The following HIPK2 variants were observed in gnomAD, a reference collection of about 807,000 sequenced individuals.
The protein encoded by HIPK2 is homeodomain-interacting protein kinase 2.
In HIPK2, 27 loss-of-function variants were observed where a neutral mutation model predicts 113.7. The ratio of observed to expected loss-of-function variants is 0.24; its 90% CI spans 0.17 to 0.33. HIPK2 has a LOEUF of 0.33. Among genes scored for constraint, HIPK2 ranks in the 10% least tolerant of loss-of-function variants. The probability of loss-of-function intolerance (pLI) is 1.00; values close to 1 mark genes in which losing one functional copy is unlikely to be tolerated. For synonymous variants in HIPK2, 631 were observed against 642.2 expected (o/e 0.98, Z 0.26); for missense variants, 1,257 against 1,588.0 (o/e 0.79, Z 3.54).
At chr7:139,725,369 A>C (rs1190885605) in intron 1 of HIPK2, among the ~76,000 whole-genome samples, 2 of 152,252 alleles carry the variant, frequency 1.3e-5, no homozygotes. Context: ...AGTGTACTTC[A>C]GTCCATCAGG....
At chr7:139,695,658 T>C (rs1454994843) in intron 2 of HIPK2, among the ~76,000 whole-genome samples, 7 of 151,894 alleles carry the variant, frequency 4.6e-5, no homozygotes, top group Middle Eastern at 6.8e-3. Context: ...CTTCCAAGAG[T>C]AGAAAGAACA....
intron 2 of HIPK2, among the ~76,000 whole-genome samples, chr7:139,704,678 G>C (rs1794837812): frequency 6.6e-6 from 1 of 152,140 alleles, no homozygotes; most frequent in African/African-American, 2.4e-5. Flanking sequence ...AGGCTCTTTG[G>C]CATCACTCCA....
At chr7:139,747,954 G>A (rs1796215911) in intron 1 of HIPK2, among the ~76,000 whole-genome samples, 1 of 152,220 alleles carries the variant, frequency 6.6e-6, no homozygotes, top group Non-Finnish European at 1.5e-5. Flanking sequence ...AGGGTGGACC[G>A]AGAGAGACAT....
chr7:139,777,414 G>A (rs1019873993), intron 1 of HIPK2, among the ~76,000 whole-genome samples, 191 bp downstream of exon 1: 1 of 151,798 alleles, frequency 6.6e-6, no homozygotes, highest in Admixed American at 6.5e-5. Flanking sequence ...CCCCGCCCTG[G>A]AAGCAAGACC....
At chr7:139,587,488 CAAAAAAA>C (rs1213368741) in intron 12 of HIPK2, among the ~76,000 whole-genome samples, 1 of 43,998 alleles carries the variant, frequency 2.3e-5, no homozygotes, top group Non-Finnish European at 4.6e-5. Context: ...GACTGTGTCT[CAAAAAAA>C]AAAAAAAAAA....
In HIPK2 at chr7:139,567,522, T is replaced by C. The variant is rs1453446226; in HGVS notation, c.*5405A>G. ...ATTTTGTCCATTTCTGGAGGCGTCTTTGAGAAGGGTTCTTTGGCTAAAGAA... is the reference window on the plus strand; with the variant it reads ...ATTTTGTCCATTTCTGGAGGCGTCTCTGAGAAGGGTTCTTTGGCTAAAGAA... On this transcript the variant is annotated 3_prime_UTR_variant, in exon 15 of 15. Transcript: ENST00000406875. The C allele has an allele frequency of 6.6e-6, 1 of 152,172 alleles. No homozygotes were observed. Among genetic ancestry groups the C allele is most frequent in the Non-Finnish European group, 1.5e-5 (1 of 68,022 alleles). The allele number at this position is 152,172 out of a possible 1,614,324, so 9.4% of individuals were successfully genotyped here.
At chr7:139,717,567 G>C (rs973322202) in intron 1 of HIPK2, among the ~76,000 whole-genome samples, 2 of 152,182 alleles carry the variant, frequency 1.3e-5, no homozygotes, top group Non-Finnish European at 2.9e-5. Flanking sequence ...GTAGGGTTTA[G>C]TGGATCAGCA....
chr7:139,697,232 T>TC (rs1794592566), intron 2 of HIPK2, among the ~76,000 whole-genome samples: 1 of 152,068 alleles, frequency 6.6e-6, no homozygotes, highest in Non-Finnish European at 1.5e-5. Flanking sequence ...CACCACCACT[T>TC]CCATCAGGGC....
At chr7:139,680,543 G>A (rs1210694675) in intron 2 of HIPK2, among the ~76,000 whole-genome samples, 1 of 152,228 alleles carries the variant, frequency 6.6e-6, no homozygotes, top group Admixed American at 6.5e-5. Flanking sequence ...ACAGGGCTTG[G>A]CAGACATGGG....
At chr7:139,762,132 T>C (rs1458712959) in intron 1 of HIPK2, among the ~76,000 whole-genome samples, 1 of 152,242 alleles carries the variant, frequency 6.6e-6, no homozygotes, top group Non-Finnish European at 1.5e-5. Flanking sequence ...TTCTAAAATA[T>C]GCTAAGTGGC....
intron 2 of HIPK2, among the ~76,000 whole-genome samples, chr7:139,703,184 C>G (rs1220053348): frequency 6.6e-6 from 1 of 152,094 alleles, no homozygotes; most frequent in Admixed American, 6.5e-5. Context: ...GATTTAAAAT[C>G]ATTTTGAAAA....
At chr7:139,677,767 T>C (rs1802552249) in intron 2 of HIPK2, among the ~76,000 whole-genome samples, 1 of 152,216 alleles carries the variant, frequency 6.6e-6, no homozygotes, top group South Asian at 2.1e-4. Flanking sequence ...ATGGTATTCC[T>C]GGTTCTAGAT....
At chr7:139,719,261 C>G (rs917766260) in intron 1 of HIPK2, among the ~76,000 whole-genome samples, 2 of 152,112 alleles carry the variant, frequency 1.3e-5, no homozygotes, top group African/African-American at 4.8e-5. Flanking sequence ...TGTGCGCCAC[C>G]ACGCCCAGCT....
At chr7:139,713,334 C>T (rs1322876760) in intron 2 of HIPK2, among the ~76,000 whole-genome samples, 10 of 152,198 alleles carry the variant, frequency 6.6e-5, no homozygotes, top group Admixed American at 2.0e-4. Context: ...CAAACTTTTA[C>T]TGCTGCCGCA....
chr7:139,672,943 T>A (rs1042445744), intron 2 of HIPK2, among the ~76,000 whole-genome samples: 4 of 152,088 alleles, frequency 2.6e-5, no homozygotes, highest in African/African-American at 9.7e-5. Flanking sequence ...GAACTTAGTA[T>A]CCTCCTTGCA....
At chr7:139,622,998 TCTGA>T (rs1800288808) in intron 6 of HIPK2, among the ~76,000 whole-genome samples, 2 of 152,188 alleles carry the variant, frequency 1.3e-5, no homozygotes, top group South Asian at 4.1e-4. Flanking sequence ...GGGGTGACTA[TCTGA>T]CTGTTTTGGT....
rs1336478698 is a variant in HIPK2, at chr7:139,569,413, T to C, written c.*3514A>G. 3.9e-5 allele frequency: 6 copies of C among 152,162 alleles called. No individual in the cohort carries two copies. The highest frequency in any genetic ancestry group is 1.4e-4 in the African/African-American group (6 of 41,390). The allele number at this position is 152,162 out of a possible 1,614,324, so 9.4% of individuals were successfully genotyped here. A position where few individuals can be genotyped will look rare whatever the true frequency, so the allele number is the denominator to read the frequency against. ...GGATGGGGTCACCTCTGGGAGGGAA[T>C]TTTCTTGCTTAAATACCAGAGGCAA... On this transcript the variant is annotated 3_prime_UTR_variant, in exon 15 of 15. Transcript: ENST00000406875.
intron 2 of HIPK2, among the ~76,000 whole-genome samples, chr7:139,640,594 A>G (rs551729291): frequency 4.1e-4 from 62 of 152,324 alleles, no homozygotes; most frequent in African/African-American, 1.4e-3. Flanking sequence ...CCACTTATCT[A>G]TAACACGTCT....
intron 1 of HIPK2, among the ~76,000 whole-genome samples, chr7:139,718,940 T>G (rs972694160): frequency 1.3e-5 from 2 of 152,212 alleles, no homozygotes; most frequent in African/African-American, 4.8e-5. Flanking sequence ...GCTCCTGTTC[T>G]TGAAGGTAAA....
Sources: gnomAD v4.1 joint callset for allele counts (sites outside exome capture counted in the v4.1 genomes callset) on GRCh38, gnomAD v4.1.1 for gene constraint, MANE v1.5 for transcripts, NCBI Gene and HGNC (gene_info 2026-07-23, HGNC 2026-07-21) for gene names.